Variants in MIPEP observed in about 807,000 individuals in gnomAD.
MIPEP encodes the protein mitochondrial intermediate peptidase.
In MIPEP, 79 loss-of-function variants were observed where a neutral mutation model predicts 90.3. The ratio of observed to expected loss-of-function variants is 0.87; its 90% CI spans 0.73 to 1.05. The LOEUF (loss-of-function observed/expected upper bound fraction) is 1.05, where lower values mean the gene tolerates loss of function less well. Ranked by LOEUF, MIPEP falls within the 50% of genes least tolerant of loss-of-function variation. The pLI is 0.00. For synonymous variants in MIPEP, 334 were observed against 315.8 expected (o/e 1.06, Z -0.61); for missense variants, 940 against 905.6 (o/e 1.04, Z -0.49).
intron 12 of MIPEP, 36 bp downstream of exon 12, chr13:23,839,613 G>A (rs778341261): frequency 1.0e-5 from 14 of 1,356,568 alleles, no homozygotes; most frequent in South Asian, 4.7e-5. Flanking sequence ...AATGCCGATC[G>A]GTTCTAGAGA....
intron 16 of MIPEP, among the ~76,000 whole-genome samples, chr13:23,763,903 GTTGT>G (rs1952570547): frequency 1.3e-5 from 2 of 152,160 alleles, no homozygotes; most frequent in South Asian, 2.1e-4. Flanking sequence ...CAATTCCACT[GTTGT>G]TTGAACACAA....
intron 18 of MIPEP, among the ~76,000 whole-genome samples, chr13:23,737,007 A>C (rs925687716): frequency 2.0e-5 from 3 of 152,218 alleles, no homozygotes; most frequent in Non-Finnish European, 2.9e-5. Flanking sequence ...CATTCTAAAA[A>C]GGTTTATATT....
chr13:23,843,291 G>T (rs1348497779), intron 10 of MIPEP, among the ~76,000 whole-genome samples: 1 of 152,082 alleles, frequency 6.6e-6, no homozygotes, highest in African/African-American at 2.4e-5. Context: ...AGGGATAAAT[G>T]TAGAAAGAAT....
chr13:23,806,006 CT>C lies in MIPEP; in HGVS notation c.1791del (p.Asp598ThrfsTer97). On this transcript the variant is annotated frameshift_variant, in exon 16 of 19. Transcript: ENST00000382172. LOFTEE classifies it high-confidence loss of function. Reference protein sequence around the residue: ...HGKHPLRNSTTDILKETQEKF... With the variant: ...HGKHPLRNSTXDILKETQEKF... ...TTCTCTTGTGTTTCCTTGAGAATGT[CT>C]GTGGTTGAATTCCTCAGGGGATGCT... The C allele has an allele frequency of 6.2e-7, 1 of 1,613,964 alleles. No homozygotes were observed. Among genetic ancestry groups the C allele is most frequent in the Non-Finnish European group, 8.5e-7 (1 of 1,179,880 alleles).
chr13:23,841,715 A>G (rs1389435468), intron 10 of MIPEP, among the ~76,000 whole-genome samples: 1 of 152,200 alleles, frequency 6.6e-6, no homozygotes, highest in Non-Finnish European at 1.5e-5. Flanking sequence ...TAGATATATC[A>G]TTCCCTAACC....
At chr13:23,830,298 T>G (rs1001928492) in intron 14 of MIPEP, among the ~76,000 whole-genome samples, 1 of 152,186 alleles carries the variant, frequency 6.6e-6, no homozygotes, top group African/African-American at 2.4e-5. Flanking sequence ...AAATATATAT[T>G]TTTTAAATAA....
At position 23,856,069 on chromosome 13, in the gene MIPEP, ATGTT is replaced by A. The variant is rs1484074821; in HGVS notation, c.1106+2787_1106+2790del. 4.6e-5 allele frequency among the ~76,000 whole-genome samples: 7 copies of A among 152,238 alleles called. No homozygotes were observed. In the East Asian group the frequency reaches 1.3e-3, roughly 29 times the overall value. ...AGTATGTATTTACTGAGGGTCCAGA[ATGTT>A]TGTTCTTGCAGAGCTTTAAAATATG... On this transcript the variant is annotated intron_variant, in intron 10 of 18. Transcript: ENST00000382172.
rs576074034 is a variant in MIPEP at position 23,730,849 on chromosome 13, A to G, written c.2045-404T>C. On this transcript the variant is annotated intron_variant, in intron 18 of 18. Coordinates refer to ENST00000382172, the MANE Select transcript of MIPEP (RefSeq NM_005932.4). ...GTTATCAAGTTCTATACACTTTACA[A>G]TCAATTAGATGTTAATTCTTTTATA... Among the ~76,000 whole-genome samples the G allele has an allele frequency of 2.0e-5, 3 of 152,336 alleles. No individual in the cohort carries two copies. In the East Asian group the frequency reaches 5.8e-4, roughly 29 times the overall value.
intron 1 of MIPEP, chr13:23,888,836 G>T: frequency 1.2e-6 from 1 of 820,594 alleles, no homozygotes; most frequent in Non-Finnish European, 1.6e-6. Flanking sequence ...GGTCCTGGCA[G>T]GACGAATTCA....
At chr13:23,834,055 C>G (rs1391488505) in intron 14 of MIPEP, among the ~76,000 whole-genome samples, 1 of 152,084 alleles carries the variant, frequency 6.6e-6, no homozygotes, top group African/African-American at 2.4e-5. Flanking sequence ...CAGCCGTGTA[C>G]TTGTCTGCGG....
intron 16 of MIPEP, among the ~76,000 whole-genome samples, chr13:23,770,401 A>G (rs1952635349): frequency 6.6e-6 from 1 of 152,162 alleles, no homozygotes; most frequent in Non-Finnish European, 1.5e-5. Context: ...TTCTTCAACA[A>G]GACCTTCTCT....
intron 14 of MIPEP, among the ~76,000 whole-genome samples, chr13:23,813,935 C>T (rs1373072307): frequency 1.3e-5 from 2 of 152,158 alleles, no homozygotes; most frequent in Non-Finnish European, 2.9e-5. Context: ...ACATTTGCTA[C>T]ATTAAAGAAA....
chr13:23,730,542 C>T, intron 18 of MIPEP, 97 bp from the exon 19 acceptor site: 1 of 774,386 alleles, frequency 1.3e-6, no homozygotes, highest in South Asian at 1.5e-5. Context: ...AACACTCTGG[C>T]TTTCTGAATT....
chr13:23,856,356 G>C (rs1478233339), intron 10 of MIPEP, among the ~76,000 whole-genome samples: 2 of 152,214 alleles, frequency 1.3e-5, no homozygotes, highest in Non-Finnish European at 2.9e-5. Flanking sequence ...AGCAGCGGTG[G>C]AAGAAAAATC....
chr13:23,837,425 C>G (rs1303004882), intron 13 of MIPEP, 127 bp downstream of exon 13: 10 of 710,266 alleles, frequency 1.4e-5, no homozygotes, highest in Non-Finnish European at 1.7e-5. Context: ...ATGAGGCAAT[C>G]TGAGATAAAG....
At chr13:23,781,162 CA>C (rs1952778620) in intron 16 of MIPEP, among the ~76,000 whole-genome samples, 1 of 152,064 alleles carries the variant, frequency 6.6e-6, no homozygotes, top group Non-Finnish European at 1.5e-5. Context: ...TCAGATTCAC[CA>C]AAGTTGAAAT....
At chr13:23,871,855 GA>G (rs1340077753) in intron 5 of MIPEP, among the ~76,000 whole-genome samples, 1 of 151,998 alleles carries the variant, frequency 6.6e-6, no homozygotes, top group Non-Finnish European at 1.5e-5. Context: ...TAACAAAAAA[GA>G]TGAACAAGAT....
intron 18 of MIPEP, among the ~76,000 whole-genome samples, chr13:23,739,735 G>A (rs369086767): frequency 3.9e-5 from 6 of 152,166 alleles, no homozygotes; most frequent in African/African-American, 7.2e-5. Flanking sequence ...CCCTGTGCAC[G>A]GCAGCAAGCA....
intron 15 of MIPEP, among the ~76,000 whole-genome samples, chr13:23,806,766 G>T (rs1325816810): frequency 7.5e-6 from 1 of 133,230 alleles, no homozygotes; most frequent in Non-Finnish European, 1.7e-5. Context: ...CTATCTATCT[G>T]TAGGCAGAAA....
Sources: allele counts gnomAD v4.1 joint callset (sites outside exome capture counted in the v4.1 genomes callset), GRCh38; gene constraint gnomAD v4.1.1; transcripts MANE v1.5; gene names NCBI Gene and HGNC (gene_info 2026-07-23, HGNC 2026-07-21).